KCNN1: variants seen among roughly 807,000 people sequenced by gnomAD.
KCNN1 encodes potassium calcium-activated channel subfamily N member 1.
KCNN1 carries 20 observed loss-of-function variants against 44.7 expected under a neutral mutation model. The ratio of observed to expected loss-of-function variants is 0.45; its 90% CI spans 0.32 to 0.65. The LOEUF (loss-of-function observed/expected upper bound fraction) is 0.65. Ranked by LOEUF, KCNN1 falls within the 30% of genes least tolerant of loss-of-function variation. KCNN1 has a pLI of 0.05. For synonymous variants in KCNN1, 324 were observed against 341.7 expected (o/e 0.95, Z 0.57); for missense variants, 632 against 785.3 (o/e 0.80, Z 2.33).
rs1028566472 is a variant in KCNN1, at chr19:17,978,853, G to C, written c.499-2856G>C. On this transcript the variant is annotated intron_variant, in intron 3 of 9. Coordinates refer to ENST00000684775, the MANE Select transcript of KCNN1 (RefSeq NM_001386974.1). ...GAGGATCACTCGAGCACAGGAGTTC[G>C]AGATCAGCCTGGGCAACGTGGCGAA... Among the ~76,000 whole-genome samples, 3 of 151,170 alleles carry C rather than the reference G, an allele frequency of 2.0e-5. No individual in the cohort carries two copies. In the South Asian group the frequency reaches 6.3e-4, roughly 32 times the overall value.
chr19:17,989,673 A>T, intron 6 of KCNN1, 43 bp from the exon 7 acceptor site: 1 of 1,611,932 alleles, frequency 6.2e-7, no homozygotes, highest in Non-Finnish European at 8.5e-7. Context: ...GCCTTTTGGA[A>T]TTTCGCGCCA....
chr19:17,994,199 C>T (rs904640388), intron 9 of KCNN1, among the ~76,000 whole-genome samples: 1 of 151,774 alleles, frequency 6.6e-6, no homozygotes, highest in Non-Finnish European at 1.5e-5. Context: ...AATCCCTGTA[C>T]TTTGGGAGGC....
upstream of KCNN1, among the ~76,000 whole-genome samples, chr19:17,964,319 G>A (rs2031748136): frequency 6.6e-6 from 1 of 152,110 alleles, no homozygotes; most frequent in African/African-American, 2.4e-5. This position sits in a 1 kb window ranked among gnomAD's most constrained non-coding sequence, Gnocchi z 4.3. Context: ...GTGTGGCCAG[G>A]CCACTCCCTG....
At chr19:17,996,300 T>C (rs1373657539) in intron 9 of KCNN1, among the ~76,000 whole-genome samples, 1 of 151,992 alleles carries the variant, frequency 6.6e-6, no homozygotes, top group African/African-American at 2.4e-5. Context: ...AGCAAGACTC[T>C]GTCTCTAAAA....
In KCNN1 at chr19:17,981,845, G is replaced by C; in HGVS notation, c.635G>C (p.Arg212Pro). 6.2e-7 allele frequency: 1 copy of C among 1,612,746 alleles called. No individual in the cohort carries two copies. The highest frequency in any genetic ancestry group is 8.5e-7 in the Non-Finnish European group (1 of 1,179,370). The stretch of plus-strand genomic sequence containing the variant: ...CACTACCGCTTCACGTGGACGGCGC[G>C]GCTGGCCTTCACGTACGCGCCCTCG... The part of the protein sequence containing the change: ...PGHYRFTWTA[R>P]LAFTYAPSVA... Residue 212 changes from arginine (R) to proline (P), a missense_variant, in exon 4 of 10, where the codon CGG becomes CCG. By Grantham distance (103) the Arg-to-Pro change is moderately radical. Coordinates refer to ENST00000684775, the MANE Select transcript of KCNN1 (RefSeq NM_001386974.1).
At chr19:17,986,096 T>G (rs1199930668) in intron 5 of KCNN1, among the ~76,000 whole-genome samples, 1 of 152,092 alleles carries the variant, frequency 6.6e-6, no homozygotes, top group East Asian at 1.9e-4. Context: ...CCGGGAGTGG[T>G]GGCTCACACC....
At position 17,974,266 on chromosome 19, in the gene KCNN1, G is replaced by A; in HGVS notation, c.378G>A (p.Glu126=). 3 of 1,592,602 alleles carry A rather than the reference G, an allele frequency of 1.9e-6. No individual in the cohort carries two copies. Among genetic ancestry groups the A allele is most frequent in the Non-Finnish European group, 2.6e-6 (3 of 1,167,586 alleles). ...FGIVVMVTET[E]LSWGVYTKES... ...TCGTCGTCATGGTGACGGAGACCGAGCTGTCCTGGGGGGTGTACACCAAGG... is the reference window on the plus strand; with the variant it reads ...TCGTCGTCATGGTGACGGAGACCGAACTGTCCTGGGGGGTGTACACCAAGG... Residue 126 remains glutamate, a synonymous_variant, in exon 2 of 10, where the codon GAG becomes GAA. Coordinates refer to ENST00000684775, the MANE Select transcript of KCNN1 (RefSeq NM_001386974.1). This position sits in a 1 kb window ranked among gnomAD's most constrained non-coding sequence, Gnocchi z 7.3.
intron 4 of KCNN1, among the ~76,000 whole-genome samples, chr19:17,982,798 G>A (rs1568455764): frequency 6.6e-6 from 1 of 152,260 alleles, no homozygotes; most frequent in South Asian, 2.1e-4. Flanking sequence ...CGAAGGGTGA[G>A]GGATTAAGGA....
intron 4 of KCNN1, among the ~76,000 whole-genome samples, 190 bp downstream of exon 4, chr19:17,982,317 G>A (rs993572363): frequency 1.3e-5 from 2 of 151,980 alleles, no homozygotes; most frequent in African/African-American, 4.8e-5. Flanking sequence ...CCTCCCTGGG[G>A]ACCTAACCCT....
intron 1 of KCNN1, among the ~76,000 whole-genome samples, chr19:17,968,765 A>T (rs2031909811): frequency 6.6e-6 from 1 of 152,010 alleles, no homozygotes; most frequent in African/African-American, 2.4e-5. Flanking sequence ...CATCCCCTGC[A>T]CCCCAGGCTT....
chr19:17,956,780 G>A (rs1484226940), intron 2 of KCNN1, among the ~76,000 whole-genome samples: 1 of 151,596 alleles, frequency 6.6e-6, no homozygotes, highest in Non-Finnish European at 1.5e-5. Context: ...GGGGCCAGGT[G>A]TGGTGGCTCA....
chr19:17,989,325 G>A (rs1015906164), intron 6 of KCNN1, among the ~76,000 whole-genome samples: 1 of 152,076 alleles, frequency 6.6e-6, no homozygotes, highest in Non-Finnish European at 1.5e-5. Context: ...GAGCGTGATC[G>A]CAGGCGCCTG....
At chr19:17,956,311 G>T (rs992895972) in intron 2 of KCNN1, among the ~76,000 whole-genome samples, 6 of 152,212 alleles carry the variant, frequency 3.9e-5, no homozygotes, top group Non-Finnish European at 7.3e-5. Context: ...AACAGAGGTG[G>T]TGGTCATTTA....
At chr19:17,954,681 G>A (rs2031497902) in exon 2 of KCNN1, 1 of 152,232 alleles carries the variant, frequency 6.6e-6, no homozygotes, top group African/African-American at 2.4e-5. Flanking sequence ...TGCACCCTAG[G>A]GTGAGTGAAT....
In KCNN1 at chr19:17,998,330, GCC is replaced by G; in HGVS notation, c.1559_1560del (p.Pro520ArgfsTer63). ...CCGCCTCCCCTGCCTCCCAGGCCCG[GCC>G]CCGGCCCCCAAGACCAGGCAGCCCG... On this transcript the variant is annotated frameshift_variant, in exon 10 of 10. Transcript: ENST00000684775. LOFTEE classifies it low-confidence loss of function (END_TRUNC). This position sits in a 1 kb window ranked among gnomAD's most constrained non-coding sequence, Gnocchi z 5.4. 1 of 1,532,766 alleles carries G rather than the reference GCC, an allele frequency of 6.5e-7. No individual in the cohort carries two copies. The highest frequency in any genetic ancestry group is 8.7e-7 in the Non-Finnish European group (1 of 1,145,016). 94.9% of individuals were successfully genotyped at this position (1,532,766 alleles called of 1,614,324 possible). A position where few individuals can be genotyped will look rare whatever the true frequency, so the allele number is the denominator to read the frequency against.
At chr19:17,961,930 AG>A (rs778190401) in intron 2 of KCNN1, among the ~76,000 whole-genome samples, 3 of 94,956 alleles carry the variant, frequency 3.2e-5, no homozygotes. Context: ...GGTTCTGGGG[AG>A]GACTCAAATT....
chr19:17,969,951 G>A (rs775980202), intron 1 of KCNN1, among the ~76,000 whole-genome samples: 11 of 152,210 alleles, frequency 7.2e-5, no homozygotes, highest in Non-Finnish European at 1.2e-4. Flanking sequence ...TTTGAGCCTC[G>A]GAGCAGAAGG....
chr19:17,975,020 G>C, intron 2 of KCNN1, 72 bp from the exon 3 acceptor site: 1 of 1,188,544 alleles, frequency 8.4e-7, no homozygotes, highest in African/African-American at 1.5e-5. Flanking sequence ...CGGGAGCCAG[G>C]GTAAGGGGAT....
chr19:17,968,323 C>A (rs1232389733), intron 1 of KCNN1, among the ~76,000 whole-genome samples: 5 of 151,202 alleles, frequency 3.3e-5, no homozygotes, highest in Non-Finnish European at 5.9e-5. Context: ...TGGTCCAGTT[C>A]TGAAGAACAG....
Sources: allele counts gnomAD v4.1 joint callset (sites outside exome capture counted in the v4.1 genomes callset), GRCh38; gene constraint gnomAD v4.1.1; non-coding constraint Gnocchi (gnomAD v3.1); transcripts MANE v1.5; gene names NCBI Gene and HGNC (gene_info 2026-07-23, HGNC 2026-07-21).